The following PUDP variants were observed in gnomAD, a reference collection of about 807,000 sequenced individuals.
PUDP encodes pseudouridine-5'-phosphatase.
PUDP carries 8 observed loss-of-function variants against 9.4 expected under a neutral mutation model. The observed-to-expected ratio is 0.85, with a 90% CI of 0.50 to 1.53. The LOEUF is 1.53. Ranked by LOEUF, PUDP falls within the 40% of genes most tolerant of loss-of-function variation. The pLI is 0.00. For synonymous variants in PUDP, 99 were observed against 80.7 expected (o/e 1.23, Z -1.22); for missense variants, 188 against 189.7 (o/e 0.99, Z 0.05).
chrX:6,976,186 GC>G (rs1303034794), intron 3 of PUDP, among the ~76,000 whole-genome samples: 3 of 111,675 alleles, frequency 2.7e-5, no homozygotes, highest in African/African-American at 9.8e-5. Flanking sequence ...CCTGGCTTCA[GC>G]CCTCTTTCCA....
At chrX:6,834,928 T>C (rs758817913) in intron 3 of PUDP, among the ~76,000 whole-genome samples, 1 of 110,629 alleles carries the variant, frequency 9.0e-6, no homozygotes, top group East Asian at 2.8e-4. Flanking sequence ...CCCAACAAGG[T>C]CACATTGGGA....
At position 7,090,538 on chromosome X, in the gene PUDP, T is replaced by C. The variant is rs150288531; in HGVS notation, c.281-13089A>G. Among the ~76,000 whole-genome samples, 482 of 112,081 alleles carry C rather than the reference T, an allele frequency of 4.3e-3. 5 individuals carry two copies. Among genetic ancestry groups the C allele is most frequent in the Admixed American group, 0.026 (273 of 10,544 alleles). ...ACATGCTTAAAATCTCCTTATTAAA[T>C]TGCGCTTACAATAGGCTGTGCATGG... is the stretch of plus-strand genomic sequence containing the variant. On this transcript the variant is annotated intron_variant, in intron 2 of 3. Transcript: ENST00000381077.
chrX:7,067,166 T>C (rs1413731034), intron 3 of PUDP, among the ~76,000 whole-genome samples: 1 of 112,243 alleles, frequency 8.9e-6, no homozygotes, highest in African/African-American at 3.2e-5. Context: ...TAGCATTTAG[T>C]GAAATTATTT....
At chrX:7,143,718 G>A (rs1402206548) in intron 1 of PUDP, among the ~76,000 whole-genome samples, 1 of 111,729 alleles carries the variant, frequency 9.0e-6, no homozygotes, top group Non-Finnish European at 1.9e-5. Flanking sequence ...CCCTTAATAG[G>A]AACACACGTG....
intron 1 of PUDP, among the ~76,000 whole-genome samples, chrX:6,988,115 T>C (rs1929127535): frequency 8.9e-6 from 1 of 112,206 alleles, no homozygotes; most frequent in African/African-American, 3.2e-5. Context: ...TGGGTCTGCA[T>C]AGTGTTCTTT....
intron 1 of PUDP, among the ~76,000 whole-genome samples, chrX:7,110,805 T>C (rs897692061): frequency 2.7e-5 from 3 of 110,838 alleles, no homozygotes; most frequent in Non-Finnish European, 5.7e-5. Flanking sequence ...CTGAGACTCA[T>C]TGTCCAGGAG....
In PUDP at chrX:6,718,178, A is replaced by C. The variant is rs201221943; in HGVS notation, n.128+3239T>G. Among the ~76,000 whole-genome samples, 3 of 111,695 alleles carry C rather than the reference A, an allele frequency of 2.7e-5. No individual in the cohort carries two copies. The East Asian group carries it at 8.4e-4, about 31-fold the overall frequency. Reference sequence around the variant, plus strand: ...TCACCCTGTTGATTTTATGGAAAACAATATGGAGATTTCTCAGAGAACTAA... The same window carrying C: ...TCACCCTGTTGATTTTATGGAAAACCATATGGAGATTTCTCAGAGAACTAA... On this transcript the variant is annotated intron_variant and non_coding_transcript_variant, in intron 1 of 2. Transcript: ENST00000438499.
intron 1 of PUDP, among the ~76,000 whole-genome samples, chrX:7,108,404 G>A (rs1432451082): frequency 1.8e-5 from 2 of 111,911 alleles, no homozygotes; most frequent in Non-Finnish European, 3.8e-5. Context: ...TGGAGACCAG[G>A]AGAGGCTGGT....
intron 3 of PUDP, among the ~76,000 whole-genome samples, chrX:6,941,054 C>A (rs1438183961): frequency 9.0e-6 from 1 of 111,564 alleles, no homozygotes; most frequent in African/African-American, 3.3e-5. Context: ...CCCAAACTTA[C>A]AAACATTGGG....
intron 1 of PUDP, among the ~76,000 whole-genome samples, chrX:7,042,285 C>T (rs1332398905): frequency 9.0e-6 from 1 of 110,900 alleles, no homozygotes; most frequent in Non-Finnish European, 1.9e-5. Flanking sequence ...GTGTCCTCTG[C>T]TGGTTCTTCT....
intron 3 of PUDP, among the ~76,000 whole-genome samples, chrX:6,814,864 G>A (rs960679159): frequency 2.7e-5 from 3 of 111,204 alleles, no homozygotes; most frequent in Admixed American, 9.6e-5. Flanking sequence ...GAGCTTAATG[G>A]GTGTTTCCAT....
intron 3 of PUDP, among the ~76,000 whole-genome samples, chrX:6,743,175 C>T (rs1462283737): frequency 1.8e-5 from 2 of 112,072 alleles, no homozygotes; most frequent in African/African-American, 6.5e-5. Flanking sequence ...TAAGCTCAAG[C>T]CTGCTTTGCT....
intron 3 of PUDP, among the ~76,000 whole-genome samples, chrX:6,972,225 C>G (rs752541940): frequency 1.4e-4 from 16 of 111,645 alleles, no homozygotes; most frequent in Non-Finnish European, 2.8e-4. Context: ...ATTGCCCTGG[C>G]CAGAACTTCC....
intron 3 of PUDP, among the ~76,000 whole-genome samples, chrX:6,917,937 C>T (rs1338307110): frequency 8.9e-6 from 1 of 111,859 alleles, no homozygotes; most frequent in African/African-American, 3.2e-5. Flanking sequence ...AACGCCAAAC[C>T]AGAGTCCTTC....
At chrX:6,963,334 C>T (rs1928735288) in intron 3 of PUDP, among the ~76,000 whole-genome samples, 1 of 111,086 alleles carries the variant, frequency 9.0e-6, no homozygotes, top group African/African-American at 3.3e-5. Context: ...GCCTGAGGAG[C>T]ATTTATTACC....
chrX:7,050,069 T>C lies in PUDP; in HGVS notation c.*227A>G. The C allele has an allele frequency of 2.7e-6, 1 of 371,598 alleles. No homozygotes were observed. Among genetic ancestry groups the C allele is most frequent in the Non-Finnish European group, 4.7e-6 (1 of 213,757 alleles). 30.6% of individuals were successfully genotyped at this position (371,598 alleles called of 1,213,427 possible). ...GATGGTAATTCAAGTTTCATCTTTG[T>C]TCTGGGCTTCGTTTCTGTCTCTACT... On this transcript the variant is annotated 3_prime_UTR_variant, in exon 4 of 4. Transcript: ENST00000381077.
At position 6,815,445 on chromosome X, in the gene PUDP, T is replaced by A. The variant is rs778753003; in HGVS notation, c.*248-108979A>T. ...CCTCAAATTAAAAGGTTATTTAGAC[T>A]GTTGCCAGTCCAGAGAATTTCAAAT... On this transcript the variant is annotated intron_variant and NMD_transcript_variant, in intron 3 of 3. Coordinates refer to the PUDP transcript ENST00000655425. Among the ~76,000 whole-genome samples, 6 of 112,556 alleles carry A rather than the reference T, an allele frequency of 5.3e-5. No homozygotes were observed. The South Asian group carries it at 1.1e-3, about 21-fold the overall frequency.
At chrX:7,077,558 CT>C in intron 2 of PUDP, 109 bp from the exon 3 acceptor site, 1 of 569,449 alleles carries the variant, frequency 1.8e-6, no homozygotes, top group Non-Finnish European at 2.8e-6. Flanking sequence ...CAGGCTGCTC[CT>C]TTTGAGGAAT....
chrX:6,773,984 C>T (rs182136694), intron 3 of PUDP, among the ~76,000 whole-genome samples: 252 of 111,077 alleles, frequency 2.3e-3, no homozygotes, highest in African/African-American at 7.7e-3. Flanking sequence ...ACTAAAAATA[C>T]AAAAATTAGC....
Sources: gnomAD v4.1 joint callset for allele counts (sites outside exome capture counted in the v4.1 genomes callset) on GRCh38, gnomAD v4.1.1 for gene constraint, MANE v1.5 for transcripts, NCBI Gene and HGNC (gene_info 2026-07-23, HGNC 2026-07-21) for gene names.